MBNL2: variants seen among roughly 807,000 people sequenced by gnomAD.
MBNL2 encodes the protein muscleblind like splicing regulator 2, also known as muscleblind-like protein 2.
Under a neutral mutation model 41.9 loss-of-function variants are expected in MBNL2, and 17 were observed. The observed-to-expected ratio is 0.41, with a 90% confidence interval of 0.28 to 0.61. The LOEUF (loss-of-function observed/expected upper bound fraction) is 0.61. MBNL2 is among the 20% of genes least tolerant of loss of function. The pLI is 0.35. For synonymous variants in MBNL2, 195 were observed against 182.9 expected (o/e 1.07, Z -0.53); for missense variants, 336 against 505.6 (o/e 0.66, Z 3.22).
Position 97,334,360 on chromosome 13 carries a change from T to A in MBNL2, c.259T>A (p.Leu87Met), listed in dbSNP as rs764925596. The change falls in exon 3 of 9, where the codon TTG becomes ATG. Residue 87 changes from leucine to methionine, a missense_variant. Physicochemically the swap from Leu to Met is conservative, Grantham distance 15. Coordinates refer to ENST00000679496, the MANE Select transcript of MBNL2 (RefSeq NM_001382683.1). This position sits in a 1 kb window ranked among gnomAD's most constrained non-coding sequence, Gnocchi z 5.3. Reference sequence around the variant, plus strand: ...ACTAGAAATTAATGGAAGGAACAATTTGATTCAGCAAAAAACTGCAGCAGC... The same window carrying A: ...ACTAGAAATTAATGGAAGGAACAATATGATTCAGCAAAAAACTGCAGCAGC... ...TQLEINGRNN[L>M]IQQKTAAAML... 1 of 1,613,770 alleles carries A rather than the reference T, an allele frequency of 6.2e-7. No individual in the cohort carries two copies. Among genetic ancestry groups the A allele is most frequent in the Non-Finnish European group, 8.5e-7 (1 of 1,179,804 alleles).
the MBNL2 span, chr13:97,172,622 TTTTA>T: frequency 6.6e-6 from 1 of 152,184 alleles, no homozygotes; most frequent in Non-Finnish European, 1.5e-5. Flanking sequence ...AATGAGAATC[TTTTA>T]TCAAATTGGT....
At chr13:97,208,441 C>A in the MBNL2 span, among the ~76,000 whole-genome samples, 1 of 152,176 alleles carries the variant, frequency 6.6e-6, no homozygotes, top group South Asian at 2.1e-4. Flanking sequence ...TTTTGTGGAA[C>A]CCACAGCTTG....
the MBNL2 span, among the ~76,000 whole-genome samples, chr13:97,158,779 C>G: frequency 4.4e-4 from 67 of 152,020 alleles, no homozygotes; most frequent in South Asian, 4.8e-3. Flanking sequence ...TATAATTTCT[C>G]TTCTTTTACA....
upstream of MBNL2, among the ~76,000 whole-genome samples, chr13:97,219,805 T>C (rs1163876967): frequency 1.3e-5 from 2 of 152,234 alleles, no homozygotes; most frequent in African/African-American, 4.8e-5. Context: ...TTTTGTTTTT[T>C]AATTCCTGTT....
the MBNL2 span, among the ~76,000 whole-genome samples, chr13:97,177,951 G>T: frequency 6.6e-6 from 1 of 152,174 alleles, no homozygotes; most frequent in Non-Finnish European, 1.5e-5. Flanking sequence ...ATAAGCGTAA[G>T]TTGCATCCAT....
rs192269865 is a variant in MBNL2, at chr13:97,223,777, C to T, written c.-605+1246C>T. Among the ~76,000 whole-genome samples, 1,102 of 149,538 alleles carry T rather than the reference C, an allele frequency of 7.4e-3. 14 individuals carry two copies. Among genetic ancestry groups the T allele is most frequent in the East Asian group, 0.021 (103 of 5,024 alleles). On this transcript the variant is annotated intron_variant, in intron 1 of 8. Coordinates refer to ENST00000679496, the MANE Select transcript of MBNL2 (RefSeq NM_001382683.1). ...TGTTTTGCAAGGAGCAGTAGAACTA[C>T]TCATTTAAATAAGGGCAATGCCACG...
chr13:97,181,754 A>G, the MBNL2 span, among the ~76,000 whole-genome samples: 1 of 152,144 alleles, frequency 6.6e-6, no homozygotes, highest in Non-Finnish European at 1.5e-5. Context: ...CTCTCTGGCT[A>G]CTCACATCTT....
chr13:97,152,631 C>T, the MBNL2 span, among the ~76,000 whole-genome samples: 1 of 152,162 alleles, frequency 6.6e-6, no homozygotes, highest in Non-Finnish European at 1.5e-5. Context: ...CAATGCCTAC[C>T]TTCAAAATTC....
the MBNL2 span, among the ~76,000 whole-genome samples, chr13:97,209,957 G>A: frequency 1.3e-5 from 2 of 152,138 alleles, no homozygotes; most frequent in African/African-American, 4.8e-5. Flanking sequence ...CACCATGCCT[G>A]TATAATTTTT....
intron 2 of MBNL2, among the ~76,000 whole-genome samples, chr13:97,316,042 C>CA (rs1272819702): frequency 6.6e-6 from 1 of 152,148 alleles, no homozygotes; most frequent in Non-Finnish European, 1.5e-5. Context: ...TTCCTGGACC[C>CA]AACAGCCTGC....
At chr13:97,157,695 A>G in the MBNL2 span, among the ~76,000 whole-genome samples, 187 of 149,122 alleles carry the variant, frequency 1.3e-3, no homozygotes, top group African/African-American at 4.5e-3. Context: ...GCTGGATTAC[A>G]TTTATTGATT....
At chr13:97,286,670 C>T (rs2054514500) in intron 2 of MBNL2, among the ~76,000 whole-genome samples, 1 of 152,236 alleles carries the variant, frequency 6.6e-6, no homozygotes, top group Non-Finnish European at 1.5e-5. Context: ...ACCTGCTCCC[C>T]AGCCCCCCAC....
intron 1 of MBNL2, among the ~76,000 whole-genome samples, chr13:97,251,034 T>C (rs1454849495): frequency 6.6e-6 from 1 of 151,976 alleles, no homozygotes; most frequent in Non-Finnish European, 1.5e-5. Flanking sequence ...GAAGAACTCT[T>C]GTACGGTCAG....
chr13:97,293,937 G>A lies in MBNL2; in HGVS notation c.174+17528G>A, dbSNP rs530272505. On this transcript the variant is annotated intron_variant, in intron 2 of 8. Coordinates refer to ENST00000679496, the MANE Select transcript of MBNL2 (RefSeq NM_001382683.1). Reference sequence around the variant, plus strand: ...TACACGGAACCCACTTTGTAGTGTTGTATCCCTTACCCCTTCCCATCCTTT... The same window carrying A: ...TACACGGAACCCACTTTGTAGTGTTATATCCCTTACCCCTTCCCATCCTTT... Among the ~76,000 whole-genome samples, 9 of 151,928 alleles carry A rather than the reference G, an allele frequency of 5.9e-5. No individual in the cohort carries two copies. In the East Asian group the frequency reaches 1.7e-3, roughly 29 times the overall value.
At chr13:97,238,098 T>C (rs1377158660) in intron 1 of MBNL2, among the ~76,000 whole-genome samples, 1 of 152,188 alleles carries the variant, frequency 6.6e-6, no homozygotes, top group Non-Finnish European at 1.5e-5. Context: ...AAATTGGCTC[T>C]GATCATTAAG....
chr13:97,185,190 TAAG>T, the MBNL2 span, among the ~76,000 whole-genome samples: 4 of 152,342 alleles, frequency 2.6e-5, no homozygotes, highest in East Asian at 3.9e-4. Context: ...TGAATTACTC[TAAG>T]AAGAATCCCA....
chr13:97,271,124 TTG>T (rs1315026495), intron 1 of MBNL2, among the ~76,000 whole-genome samples: 3 of 150,014 alleles, frequency 2.0e-5, no homozygotes, highest in Non-Finnish European at 3.0e-5. Flanking sequence ...TTTTTTTTTT[TTG>T]TTTTTTTTTT....
intron 6 of MBNL2, among the ~76,000 whole-genome samples, chr13:97,357,111 T>C (rs1203692882): frequency 6.6e-6 from 1 of 152,186 alleles, no homozygotes; most frequent in Non-Finnish European, 1.5e-5. Context: ...CGTATTAACC[T>C]TTAAATTCAA....
the MBNL2 span, among the ~76,000 whole-genome samples, chr13:97,155,708 C>T: frequency 6.6e-6 from 1 of 151,982 alleles, no homozygotes; most frequent in Non-Finnish European, 1.5e-5. Flanking sequence ...CATCCATGTC[C>T]CTACAAAGGA....
Sources: allele counts gnomAD v4.1 joint callset (sites outside exome capture counted in the v4.1 genomes callset), GRCh38; gene constraint gnomAD v4.1.1; non-coding constraint Gnocchi (gnomAD v3.1); transcripts MANE v1.5; gene names NCBI Gene and HGNC (gene_info 2026-07-23, HGNC 2026-07-21).